The following HDLBP variants were observed in gnomAD, a reference collection of about 807,000 sequenced individuals.
The protein encoded by HDLBP is high density lipoprotein binding protein, also known as vigilin.
A neutral mutation model predicts 137.3 loss-of-function variants in HDLBP; 30 were observed. The observed-to-expected ratio is 0.22, with a 90% CI of 0.16 to 0.30. The LOEUF is 0.30. HDLBP is among the 10% of genes least tolerant of loss of function. HDLBP has a pLI of 1.00. For missense variants in HDLBP, 1,119 were observed against 1,667.3 expected (o/e 0.67, Z 5.73); for synonymous variants, 606 against 596.0 (o/e 1.02, Z -0.24).
chr2:241,237,278 C>T (rs773781299), intron 20 of HDLBP, among the ~76,000 whole-genome samples: 9 of 152,138 alleles, frequency 5.9e-5, no homozygotes, highest in Non-Finnish European at 1.0e-4. Context: ...TAAACCTGTG[C>T]CAGCTCCTTA....
chr2:241,232,895 G>A (rs1055880344), intron 24 of HDLBP, among the ~76,000 whole-genome samples: 4 of 152,112 alleles, frequency 2.6e-5, no homozygotes, highest in East Asian at 1.9e-4. Flanking sequence ...CGTGGGAGCT[G>A]GAGGAGGCAG....
At position 241,236,488 on chromosome 2, in the gene HDLBP, G is replaced by T. The variant is rs1260153742; in HGVS notation, c.2904+127C>A. On this transcript the variant is annotated intron_variant, in intron 21 of 27. Transcript: ENST00000310931. ...CACAGCCCGTGCGCACACGGTAGGA[G>T]CAAGAGGGCTACCTCCACTGCCACT... 6 of 930,966 alleles carry T rather than the reference G, an allele frequency of 6.4e-6. No homozygotes were observed. The Admixed American group carries it at 8.0e-5, about 12-fold the overall frequency. The allele number at this position is 930,966 out of a possible 1,614,324, so 57.7% of individuals were successfully genotyped here. A position where few individuals can be genotyped will look rare whatever the true frequency, so the allele number is the denominator to read the frequency against.
chr2:241,284,232 G>A (rs2074721413), intron 1 of HDLBP, among the ~76,000 whole-genome samples: 1 of 152,236 alleles, frequency 6.6e-6, no homozygotes, highest in African/African-American at 2.4e-5. Context: ...AGCTGCCATA[G>A]ATAGTTATTC....
intron 3 of HDLBP, among the ~76,000 whole-genome samples, chr2:241,265,173 C>T (rs925000154): frequency 1.3e-5 from 2 of 152,224 alleles, no homozygotes; most frequent in African/African-American, 4.8e-5. Context: ...AATCCCAGCA[C>T]TTTGGGAGGC....
intron 1 of HDLBP, among the ~76,000 whole-genome samples, chr2:241,283,898 G>C (rs917702412): frequency 1.3e-5 from 2 of 152,104 alleles, no homozygotes; most frequent in African/African-American, 4.8e-5. Flanking sequence ...GAAAATCCTA[G>C]GGGTCTGAAG....
In HDLBP at chr2:241,230,348, A is replaced by G; in HGVS notation, c.3475-79T>C. 1 of 919,038 alleles carries G rather than the reference A, an allele frequency of 1.1e-6. No individual in the cohort carries two copies. The highest frequency in any genetic ancestry group is 1.7e-6 in the Non-Finnish European group (1 of 590,964). 56.9% of individuals were successfully genotyped at this position (919,038 alleles called of 1,614,324 possible). ...AAAATTATGTGTCAATTTCTAGTGAAGCATTTTCTGAGTTAGCAAACGTTT... is the reference window on the plus strand; with the variant it reads ...AAAATTATGTGTCAATTTCTAGTGAGGCATTTTCTGAGTTAGCAAACGTTT... On this transcript the variant is annotated intron_variant, in intron 25 of 27. Transcript: ENST00000310931. This position sits in a 1 kb window ranked among gnomAD's most constrained non-coding sequence, Gnocchi z 5.0.
chr2:241,270,380 G>A (rs2073960341), intron 1 of HDLBP, among the ~76,000 whole-genome samples: 1 of 152,230 alleles, frequency 6.6e-6, no homozygotes, highest in African/African-American at 2.4e-5. Context: ...CCAAGTGGCA[G>A]TTTGTCAGAG....
intron 1 of HDLBP, among the ~76,000 whole-genome samples, chr2:241,278,217 A>G (rs2074466949): frequency 2.0e-5 from 3 of 152,224 alleles, no homozygotes; most frequent in South Asian, 2.1e-4. Flanking sequence ...GGGGGGTACA[A>G]TATTAGAAAA....
At chr2:241,236,562 T>A in intron 21 of HDLBP, 53 bp downstream of exon 21, 2 of 1,587,562 alleles carry the variant, frequency 1.3e-6, no homozygotes, top group South Asian at 2.3e-5. Context: ...TCTCCCCAGG[T>A]GCCTGCTGAC....
chr2:241,304,239 C>T lies in HDLBP; in HGVS notation c.-103+11331G>A, dbSNP rs889041134. On this transcript the variant is annotated intron_variant, in intron 1 of 27. Coordinates refer to ENST00000310931, the MANE Select transcript of HDLBP (RefSeq NM_005336.6). ...GTTACTCTGCTAAGCCATAGGGATC[C>T]AAACCAAGTAAAAGCATCACCAATA... 5.9e-5 allele frequency among the ~76,000 whole-genome samples: 9 copies of T among 152,360 alleles called. No homozygotes were observed. In the East Asian group the frequency reaches 1.5e-3, roughly 26 times the overall value.
intron 3 of HDLBP, among the ~76,000 whole-genome samples, chr2:241,264,906 T>C (rs182393350): frequency 1.5e-3 from 235 of 152,148 alleles, no homozygotes; most frequent in African/African-American, 5.5e-3. Context: ...TGAGCCCCAC[T>C]CCCCTAACGG....
Position 241,236,857 on chromosome 2 carries a change from G to A in HDLBP, c.2750-88C>T, listed in dbSNP as rs531015615. The A allele has an allele frequency of 2.1e-5, 28 of 1,364,380 alleles. No individual in the cohort carries two copies. In the East Asian group the frequency reaches 6.0e-4, roughly 29 times the overall value. 84.5% of individuals were successfully genotyped at this position (1,364,380 alleles called of 1,614,324 possible). A position where few individuals can be genotyped will look rare whatever the true frequency, so the allele number is the denominator to read the frequency against. On this transcript the variant is annotated intron_variant, in intron 20 of 27. Coordinates refer to ENST00000310931, the MANE Select transcript of HDLBP (RefSeq NM_005336.6). ...GAATGCATATGTCTGTGAGGCACCT[G>A]CTGGGTGCTGGGTGGTAAAAGGGAG...
chr2:241,243,469 C>A (rs1559493361), intron 16 of HDLBP: 1 of 152,428 alleles, frequency 6.6e-6, no homozygotes, highest in Non-Finnish European at 1.5e-5. Flanking sequence ...GCTTTTAGCT[C>A]AGTTGGAGCC....
At chr2:241,270,925 C>A in intron 1 of HDLBP, 1 of 951,140 alleles carries the variant, frequency 1.1e-6, no homozygotes, top group Non-Finnish European at 1.3e-6. Flanking sequence ...CTGTCCAAAT[C>A]AGGATTGAAA....
In HDLBP at chr2:241,303,134, C is replaced by T. The variant is rs548023658; in HGVS notation, c.-103+12436G>A. Reference sequence around the variant, plus strand: ...GACTGCACCTGGTTGAAGTTATTTCCCCACTCCAGAAAGAAACAAGCAGCA... The same window carrying T: ...GACTGCACCTGGTTGAAGTTATTTCTCCACTCCAGAAAGAAACAAGCAGCA... On this transcript the variant is annotated intron_variant, in intron 1 of 27. Transcript: ENST00000310931. Among the ~76,000 whole-genome samples, 16 of 152,290 alleles carry T rather than the reference C, an allele frequency of 1.1e-4. 2 individuals carry two copies. In the South Asian group the frequency reaches 3.3e-3, roughly 32 times the overall value.
At chr2:241,253,151 T>C (rs1481989894) in intron 10 of HDLBP, 116 bp from the exon 11 acceptor site, 3 of 724,988 alleles carry the variant, frequency 4.1e-6, no homozygotes, top group African/African-American at 1.7e-5. Context: ...TCAGGAATTG[T>C]TGGAGACTGC....
intron 4 of HDLBP, 134 bp from the exon 5 acceptor site, chr2:241,263,060 C>T: frequency 1.8e-5 from 12 of 683,430 alleles, no homozygotes; most frequent in Admixed American, 1.3e-4. Context: ...TGCTCGAAGC[C>T]CTGGGATAAA....
rs56186900 is a variant in HDLBP, at chr2:241,293,921, C to CAA, written c.-103+21647_-103+21648dup. On this transcript the variant is annotated intron_variant, in intron 1 of 27. Transcript: ENST00000310931. Reference sequence around the variant, plus strand: ...TGGGTGAGGGTGCGAGACCCTGCCTCAAAAAAAAAAAAAAACAAAAACAGA... The same window carrying CAA: ...TGGGTGAGGGTGCGAGACCCTGCCTCAAAAAAAAAAAAAAAAACAAAAACAGA... Among the ~76,000 whole-genome samples the CAA allele has an allele frequency of 3.3e-3, 317 of 97,538 alleles. 1 individual carries two copies. The highest frequency in any genetic ancestry group is 4.3e-3 in the Non-Finnish European group (208 of 48,842). 64.0% of individuals were successfully genotyped at this position (97,538 alleles called of 152,430 possible). A position where few individuals can be genotyped will look rare whatever the true frequency, so the allele number is the denominator to read the frequency against.
chr2:241,289,059 G>A (rs1322583253), intron 1 of HDLBP, among the ~76,000 whole-genome samples: 1 of 152,210 alleles, frequency 6.6e-6, no homozygotes, highest in Non-Finnish European at 1.5e-5. Context: ...GCTAGCTAAC[G>A]CCATGGGTGG....
Sources: allele counts gnomAD v4.1 joint callset (sites outside exome capture counted in the v4.1 genomes callset), GRCh38; gene constraint gnomAD v4.1.1; non-coding constraint Gnocchi (gnomAD v3.1); transcripts MANE v1.5; gene names NCBI Gene and HGNC (gene_info 2026-07-23, HGNC 2026-07-21).